TTC3: variants seen among roughly 807,000 people sequenced by gnomAD.
TTC3 encodes the protein E3 ubiquitin-protein ligase TTC3.
A neutral mutation model predicts 249.6 loss-of-function variants in TTC3; 180 were observed. That is an observed-to-expected ratio of 0.72 (90% CI 0.64 to 0.82). The LOEUF is 0.82. TTC3 is among the 40% of genes least tolerant of loss of function. TTC3 has a pLI of 0.00. For missense variants in TTC3, 2,061 were observed against 2,398.4 expected (o/e 0.86, Z 2.94); for synonymous variants, 717 against 805.0 (o/e 0.89, Z 1.85).
At chr21:37,186,736 T>G (rs950581975) in intron 37 of TTC3, among the ~76,000 whole-genome samples, 1 of 152,228 alleles carries the variant, frequency 6.6e-6, no homozygotes, top group East Asian at 1.9e-4. Flanking sequence ...CTATACAGTT[T>G]ATTAATGTCA....
chr21:37,158,294 C>T (rs976077010), intron 28 of TTC3: 15 of 768,834 alleles, frequency 2.0e-5, no homozygotes, highest in Non-Finnish European at 2.2e-5. Flanking sequence ...ACAATTCCCT[C>T]TCAGCATACA....
intron 28 of TTC3, chr21:37,157,311 A>C (rs1376567956): frequency 2.8e-6 from 2 of 708,608 alleles, no homozygotes; most frequent in East Asian, 1.4e-4. Context: ...AGGATGTTTT[A>C]ATGGGAAGAG....
At chr21:37,096,711 T>C in intron 10 of TTC3, 68 bp downstream of exon 10, 2 of 1,243,366 alleles carry the variant, frequency 1.6e-6, no homozygotes, top group Non-Finnish European at 2.3e-6. Flanking sequence ...GAAACGTTTC[T>C]GTTTTTCAGG....
intron 4 of TTC3, 95 bp from the exon 5 acceptor site, chr21:37,088,704 T>C: frequency 2.6e-6 from 3 of 1,158,562 alleles, no homozygotes; most frequent in Non-Finnish European, 3.6e-6. Context: ...AGAGAACTTA[T>C]TTTTTAATGG....
intron 35 of TTC3, among the ~76,000 whole-genome samples, chr21:37,179,019 C>G (rs547337422): frequency 2.6e-5 from 4 of 152,114 alleles, no homozygotes; most frequent in Admixed American, 1.3e-4. Context: ...CACCTATAAT[C>G]CCAGCACTTT....
At chr21:37,082,486 T>C (rs1474765299) in intron 1 of TTC3, 7 of 985,282 alleles carry the variant, frequency 7.1e-6, no homozygotes, top group Non-Finnish European at 7.2e-6. Flanking sequence ...TCTATCAGCT[T>C]TGTCTGGGAG....
At chr21:37,182,553 T>C (rs960574937) in intron 35 of TTC3, among the ~76,000 whole-genome samples, 1 of 152,190 alleles carries the variant, frequency 6.6e-6, no homozygotes, top group Non-Finnish European at 1.5e-5. Flanking sequence ...CTTACTGTAA[T>C]CAGGTACACG....
chr21:37,120,041 C>T (rs2076459968), intron 11 of TTC3, among the ~76,000 whole-genome samples: 1 of 152,114 alleles, frequency 6.6e-6, no homozygotes, highest in Admixed American at 6.6e-5. Context: ...TAGTGCATTT[C>T]AATTGGCCAG....
At chr21:37,173,000 G>A (rs2081941946) in intron 35 of TTC3, among the ~76,000 whole-genome samples, 1 of 152,090 alleles carries the variant, frequency 6.6e-6, no homozygotes, top group African/African-American at 2.4e-5. Context: ...CAGTTTCCCT[G>A]GTTAACTAAA....
At chr21:37,198,070 G>A in intron 44 of TTC3, 45 bp downstream of exon 44, 2 of 1,521,786 alleles carry the variant, frequency 1.3e-6, no homozygotes, top group Non-Finnish European at 1.8e-6. Flanking sequence ...AAAACAAGAA[G>A]CAAACAAAAT....
chr21:37,139,616 A>T (rs2000419), intron 19 of TTC3, among the ~76,000 whole-genome samples: 49,754 of 151,938 alleles, frequency 0.33, 8,482 homozygotes, highest in South Asian at 0.52. Context: ...CCTTGATCTC[A>T]GTGTCACAGA....
Position 37,124,289 on chromosome 21 carries a change from T to C in TTC3, c.1110-330T>C, listed in dbSNP as rs563944855. 3.0e-3 allele frequency among the ~76,000 whole-genome samples: 457 copies of C among 151,848 alleles called. 1 individual carries two copies. The highest frequency in any genetic ancestry group is 5.0e-3 in the Non-Finnish European group (337 of 67,926). Reference sequence around the variant, plus strand: ...TGCCACCACACCTGGCTAATTTTTGTATTTTTAGTAGAGACGGGGGTCTCA... The same window carrying C: ...TGCCACCACACCTGGCTAATTTTTGCATTTTTAGTAGAGACGGGGGTCTCA... On this transcript the variant is annotated intron_variant, in intron 13 of 45. Transcript: ENST00000355666.
At chr21:37,112,952 C>G (rs895170933) in intron 11 of TTC3, among the ~76,000 whole-genome samples, 5 of 152,220 alleles carry the variant, frequency 3.3e-5, no homozygotes, top group Non-Finnish European at 5.9e-5. Flanking sequence ...ACATGATTAT[C>G]TCAATAGATG....
At chr21:37,185,593 A>G (rs1302533287) in intron 36 of TTC3, 113 bp from the exon 37 acceptor site, 8 of 495,556 alleles carry the variant, frequency 1.6e-5, no homozygotes, top group African/African-American at 8.2e-5. Context: ...GTAAAAATAT[A>G]TATATTAAAA....
chr21:37,165,343 A>T (rs1024722437), intron 32 of TTC3, among the ~76,000 whole-genome samples: 2 of 152,154 alleles, frequency 1.3e-5, no homozygotes, highest in Non-Finnish European at 2.9e-5. Flanking sequence ...GTTTTAAATG[A>T]TCATTTTCTA....
chr21:37,119,660 T>C (rs571787162), intron 11 of TTC3, among the ~76,000 whole-genome samples: 69 of 152,326 alleles, frequency 4.5e-4, no homozygotes, highest in African/African-American at 1.6e-3. Context: ...GACATTCTTA[T>C]CAGTAAGCGG....
chr21:37,201,911 C>G, exon 46 of TTC3: 1 of 222,048 alleles, frequency 4.5e-6, no homozygotes, highest in Non-Finnish European at 8.8e-6. Context: ...CATAGCCAAG[C>G]GCCCCACGTT....
At chr21:37,074,170 T>C (rs1569306347) in intron 1 of TTC3, among the ~76,000 whole-genome samples, 1 of 151,594 alleles carries the variant, frequency 6.6e-6, no homozygotes. Flanking sequence ...AGGAGGGGGG[T>C]AACCTCGCCG....
At chr21:37,145,906 A>C (rs59153633) in intron 21 of TTC3, among the ~76,000 whole-genome samples, 3,177 of 152,262 alleles carry the variant, frequency 0.021, 107 homozygotes, top group African/African-American at 0.073. Context: ...CCATGACTCA[A>C]AACACCTCCC....
Sources: gnomAD v4.1 joint callset for allele counts (sites outside exome capture counted in the v4.1 genomes callset) on GRCh38, gnomAD v4.1.1 for gene constraint, MANE v1.5 for transcripts, NCBI Gene and HGNC (gene_info 2026-07-23, HGNC 2026-07-21) for gene names.